ACOT8: variants seen among roughly 807,000 people sequenced by gnomAD.
The protein encoded by ACOT8 is acyl-CoA thioesterase 8, also known as acyl-coenzyme A thioesterase 8.
Under a neutral mutation model 38.4 loss-of-function variants are expected in ACOT8, and 31 were observed. That is an observed-to-expected ratio of 0.81 (90% CI 0.61 to 1.09). The LOEUF (loss-of-function observed/expected upper bound fraction) is 1.09, where lower values mean the gene tolerates loss of function less well. Ranked by LOEUF, ACOT8 falls within the 50% of genes least tolerant of loss-of-function variation. The pLI, the probability that ACOT8 is intolerant of heterozygous loss-of-function variation, is 0.00. For missense variants in ACOT8, 373 were observed against 421.8 expected (o/e 0.88, Z 1.01); for synonymous variants, 158 against 170.3 (o/e 0.93, Z 0.56).
intron 3 of ACOT8, among the ~76,000 whole-genome samples, chr20:45,845,582 C>T (rs1255659700): frequency 6.6e-6 from 1 of 152,200 alleles, no homozygotes; most frequent in Non-Finnish European, 1.5e-5. Flanking sequence ...ATTGCATCCC[C>T]CCAGGGGGAG....
At chr20:45,842,726 CAG>C (rs1448692445) in intron 5 of ACOT8, 10 of 989,084 alleles carry the variant, frequency 1.0e-5, no homozygotes, top group African/African-American at 1.7e-5. Context: ...GACTGAAATC[CAG>C]AGAGGGTCAG....
intron 3 of ACOT8, among the ~76,000 whole-genome samples, chr20:45,845,540 C>T (rs1318191367): frequency 2.6e-5 from 4 of 152,258 alleles, no homozygotes; most frequent in East Asian, 3.9e-4. Context: ...CCTGACTTGG[C>T]CTGAGTTACC....
chr20:45,845,691 G>A lies in ACOT8; in HGVS notation c.489-1271C>T, dbSNP rs543824493. ...CACCCCTATCCTCTGGAGTGCTGTT[G>A]GACAGAACCTCCTATGATGATGGAA... On this transcript the variant is annotated intron_variant, in intron 3 of 5. Coordinates refer to ENST00000217455, the MANE Select transcript of ACOT8 (RefSeq NM_005469.4). 2.0e-5 allele frequency among the ~76,000 whole-genome samples: 3 copies of A among 152,240 alleles called. No homozygotes were observed. The South Asian group carries it at 6.2e-4, about 32-fold the overall frequency.
intron 2 of ACOT8, among the ~76,000 whole-genome samples, chr20:45,854,490 T>C (rs1398431247): frequency 6.6e-6 from 1 of 152,212 alleles, no homozygotes; most frequent in African/African-American, 2.4e-5. Flanking sequence ...ATTACAGGCG[T>C]GAGCCACCGC....
chr20:45,842,168 G>A (rs765290337), intron 5 of ACOT8: 99 of 1,515,796 alleles, frequency 6.5e-5, no homozygotes, highest in Non-Finnish European at 8.5e-5. Flanking sequence ...CAAAGGGTCT[G>A]GCCCAGGGCA....
At chr20:45,852,714 C>G (rs1402645267) in intron 2 of ACOT8, among the ~76,000 whole-genome samples, 1 of 152,182 alleles carries the variant, frequency 6.6e-6, no homozygotes, top group Non-Finnish European at 1.5e-5. Flanking sequence ...ATTATTTTAG[C>G]TATCTTGCAG....
At chr20:45,846,539 C>T (rs755110419) in intron 3 of ACOT8, among the ~76,000 whole-genome samples, 9 of 152,276 alleles carry the variant, frequency 5.9e-5, no homozygotes, top group Non-Finnish European at 1.2e-4. Flanking sequence ...CCACATCCAT[C>T]CCGTCATACT....
At chr20:45,844,612 G>C (rs1984541239) in intron 3 of ACOT8, among the ~76,000 whole-genome samples, 192 bp from the exon 4 acceptor site, 1 of 152,124 alleles carries the variant, frequency 6.6e-6, no homozygotes, top group African/African-American at 2.4e-5. Flanking sequence ...GTGGTCTCGT[G>C]CTAATTAGTA....
intron 1 of ACOT8, 121 bp from the exon 2 acceptor site, chr20:45,855,413 T>C (rs563035060): frequency 3.7e-6 from 5 of 1,356,212 alleles, no homozygotes; most frequent in African/African-American, 1.4e-5. Context: ...TTTGAGAATA[T>C]GGTAAAAGCC....
chr20:45,845,671 CT>C (rs1202773951), intron 3 of ACOT8, among the ~76,000 whole-genome samples: 24 of 152,212 alleles, frequency 1.6e-4, no homozygotes, highest in African/African-American at 5.8e-4. Flanking sequence ...ATTTTCACCC[CT>C]ATCCTCTGGA....
intron 3 of ACOT8, among the ~76,000 whole-genome samples, chr20:45,845,309 G>A (rs1159990793): frequency 1.3e-5 from 2 of 151,974 alleles, no homozygotes; most frequent in African/African-American, 2.4e-5. Flanking sequence ...GGGTGGTCTC[G>A]AATTCCTGAC....
intron 2 of ACOT8, among the ~76,000 whole-genome samples, chr20:45,849,701 T>A (rs995262235): frequency 6.6e-6 from 1 of 152,122 alleles, no homozygotes. Context: ...TCCACCCACC[T>A]TGGCCTCCCA....
chr20:45,842,680 T>A lies in ACOT8; in HGVS notation c.842-724A>T, dbSNP rs899257838. The A allele has an allele frequency of 1.1e-5, 11 of 989,268 alleles. No individual in the cohort carries two copies. In the African/African-American group the frequency reaches 1.9e-4, roughly 17 times the overall value. 61.3% of individuals were successfully genotyped at this position (989,268 alleles called of 1,614,324 possible). A position where few individuals can be genotyped will look rare whatever the true frequency, so the allele number is the denominator to read the frequency against. ...TCACTCAGTTCTCACAGTAGCCAAA[T>A]GAAGCAGTTATGTGTTGTCCAGTTT... is the stretch of plus-strand genomic sequence containing the variant. On this transcript the variant is annotated intron_variant, in intron 5 of 5. Transcript: ENST00000217455.
intron 4 of ACOT8, 193 bp downstream of exon 4, chr20:45,844,070 G>A: frequency 1.1e-6 from 1 of 892,758 alleles, no homozygotes. Flanking sequence ...CCTTGTGTCG[G>A]GATTATAGTC....
chr20:45,853,986 T>TG (rs1407829500), intron 2 of ACOT8: 3 of 1,303,528 alleles, frequency 2.3e-6, no homozygotes, highest in Non-Finnish European at 2.0e-6. Flanking sequence ...GCATCTGCTC[T>TG]GGGGGTAACA....
intron 2 of ACOT8, 142 bp downstream of exon 2, chr20:45,855,017 G>C: frequency 8.4e-7 from 1 of 1,187,776 alleles, no homozygotes; most frequent in Non-Finnish European, 1.2e-6. Context: ...TTCCACCCTA[G>C]ACACCTCTTA....
At chr20:45,848,924 G>T in intron 2 of ACOT8, 1 of 408,468 alleles carries the variant, frequency 2.4e-6, no homozygotes, top group Non-Finnish European at 4.4e-6. Context: ...TTCAAATCCT[G>T]GCTCCACCAC....
chr20:45,848,393 C>A, intron 3 of ACOT8, 57 bp downstream of exon 3: 5 of 1,457,318 alleles, frequency 3.4e-6, no homozygotes, highest in Non-Finnish European at 4.6e-6. Context: ...CTATGACCCA[C>A]AAACAGATAG....
At chr20:45,846,468 ACT>A (rs1219439234) in intron 3 of ACOT8, among the ~76,000 whole-genome samples, 1 of 152,140 alleles carries the variant, frequency 6.6e-6, no homozygotes, top group Non-Finnish European at 1.5e-5. Flanking sequence ...ACTTGCCCAA[ACT>A]CACACAGCTA....
Sources: gnomAD v4.1 joint callset for allele counts (sites outside exome capture counted in the v4.1 genomes callset) on GRCh38, gnomAD v4.1.1 for gene constraint, MANE v1.5 for transcripts, NCBI Gene and HGNC (gene_info 2026-07-23, HGNC 2026-07-21) for gene names.